The following ADCY2 variants were observed in gnomAD, a reference collection of about 807,000 sequenced individuals.
The protein encoded by ADCY2 is adenylate cyclase 2, also known as adenylate cyclase type 2.
ADCY2 carries 31 observed loss-of-function variants against 125.2 expected under a neutral mutation model. The observed-to-expected ratio is 0.25, with a 90% confidence interval of 0.19 to 0.33. The LOEUF is 0.33. Ranked by LOEUF, ADCY2 falls within the 10% of genes least tolerant of loss-of-function variation. The probability of loss-of-function intolerance (pLI) is 1.00; values close to 1 mark genes in which losing one functional copy is unlikely to be tolerated. For synonymous variants in ADCY2, 512 were observed against 548.4 expected, an observed-to-expected ratio of 0.93 and a Z score of 0.93; for missense variants, 904 against 1,418.2, an observed-to-expected ratio of 0.64 and a Z score of 5.82.
At chr5:7,697,167 C>A (rs1340530094) in intron 6 of ADCY2, among the ~76,000 whole-genome samples, 1 of 152,000 alleles carries the variant, frequency 6.6e-6, no homozygotes, top group African/African-American at 2.4e-5. Flanking sequence ...ATTAAATCTG[C>A]AGGAGCGCTA....
chr5:7,810,488 G>A (rs549987216), intron 22 of ADCY2, among the ~76,000 whole-genome samples: 3 of 152,078 alleles, frequency 2.0e-5, no homozygotes, highest in African/African-American at 4.8e-5. Context: ...TTATCTACCT[G>A]TTTGGTGGGT....
At chr5:7,647,977 A>G (rs1049354502) in intron 4 of ADCY2, among the ~76,000 whole-genome samples, 1 of 152,212 alleles carries the variant, frequency 6.6e-6, no homozygotes, top group African/African-American at 2.4e-5. Flanking sequence ...CGCAATGCCA[A>G]GAGGGATTTA....
Position 7,492,367 on chromosome 5 carries a change from G to A in ADCY2, c.409-28371G>A, listed in dbSNP as rs548184837. On this transcript the variant is annotated intron_variant, in intron 2 of 24. Coordinates refer to ENST00000338316, the MANE Select transcript of ADCY2 (RefSeq NM_020546.3). ...TGATTAATCATCCAATCTTTTGGGG[G>A]CATTGGAGGAATGTGATCATATCCA... 1.8e-4 allele frequency among the ~76,000 whole-genome samples: 27 copies of A among 152,316 alleles called. 1 individual carries two copies. The South Asian group carries it at 5.2e-3, about 29-fold the overall frequency.
intron 2 of ADCY2, among the ~76,000 whole-genome samples, chr5:7,467,065 C>T (rs1742148055): frequency 6.6e-6 from 1 of 152,106 alleles, no homozygotes; most frequent in Non-Finnish European, 1.5e-5. Context: ...GGGATGTAAC[C>T]CCATTGTAAG....
chr5:7,827,053 GC>G lies in ADCY2; in HGVS notation c.*184del. 1 of 714,026 alleles carries G rather than the reference GC, an allele frequency of 1.4e-6. No individual in the cohort carries two copies. Among genetic ancestry groups the G allele is most frequent in the Non-Finnish European group, 2.2e-6 (1 of 449,722 alleles). 44.2% of individuals were successfully genotyped at this position (714,026 alleles called of 1,614,324 possible). On this transcript the variant is annotated 3_prime_UTR_variant, in exon 25 of 25. Coordinates refer to ENST00000338316, the MANE Select transcript of ADCY2 (RefSeq NM_020546.3). Reference sequence around the variant, plus strand: ...GTCTGATGTGTGCCCAGATCGTTCTGCCACTTGCACTGTGCTTGCTCCTAAG... The same window carrying G: ...GTCTGATGTGTGCCCAGATCGTTCTGCACTTGCACTGTGCTTGCTCCTAAG...
At chr5:7,678,493 G>C (rs1178058268) in intron 4 of ADCY2, among the ~76,000 whole-genome samples, 1 of 152,110 alleles carries the variant, frequency 6.6e-6, no homozygotes, top group Non-Finnish European at 1.5e-5. Context: ...TATCAATAAT[G>C]CATATTGTGA....
chr5:7,735,872 A>T (rs184168260), intron 14 of ADCY2, among the ~76,000 whole-genome samples: 3 of 152,290 alleles, frequency 2.0e-5, no homozygotes, highest in African/African-American at 4.8e-5. Context: ...ATTTTATGGA[A>T]TAGTTTGTAA....
At chr5:7,804,752 C>G (rs1432463208) in intron 22 of ADCY2, 60 bp downstream of exon 22, 16 of 1,297,092 alleles carry the variant, frequency 1.2e-5, no homozygotes, top group Admixed American at 1.7e-5. Context: ...ACAAACCACC[C>G]TGGGACCAAA....
chr5:7,474,809 A>G (rs2126462133), intron 2 of ADCY2, among the ~76,000 whole-genome samples: 1 of 152,372 alleles, frequency 6.6e-6, no homozygotes, highest in African/African-American at 2.4e-5. Context: ...ATGGAAATAG[A>G]TAACACCTCT....
intron 3 of ADCY2, among the ~76,000 whole-genome samples, chr5:7,566,866 TG>T (rs1452264136): frequency 6.6e-6 from 1 of 152,150 alleles, no homozygotes; most frequent in Admixed American, 6.5e-5. Flanking sequence ...TGTTTTGGCC[TG>T]GGGGGGAGGT....
chr5:7,506,926 T>A (rs2126512726), intron 2 of ADCY2, among the ~76,000 whole-genome samples: 1 of 147,882 alleles, frequency 6.8e-6, no homozygotes, highest in South Asian at 2.2e-4. Flanking sequence ...TAGCTGGGAC[T>A]ACGGGCACCC....
intron 2 of ADCY2, among the ~76,000 whole-genome samples, chr5:7,436,985 G>C (rs1401998679): frequency 6.6e-6 from 1 of 152,136 alleles, no homozygotes; most frequent in Non-Finnish European, 1.5e-5. Context: ...CCCTCCAGTG[G>C]TATTTAAGGA....
intron 24 of ADCY2, among the ~76,000 whole-genome samples, chr5:7,823,356 C>G (rs1745362487): frequency 6.6e-6 from 1 of 152,184 alleles, no homozygotes; most frequent in Non-Finnish European, 1.5e-5. Context: ...AGCTGCCTCC[C>G]CTCTCATGCT....
rs771193755 is a variant in ADCY2 at position 7,827,001 on chromosome 5, T to C, written c.*130T>C. ...CTATGGAGCCTCTGCAGACTCGTTCTCGTGACCCAGTGGCATACCGTTTGG... is the reference window on the plus strand; with the variant it reads ...CTATGGAGCCTCTGCAGACTCGTTCCCGTGACCCAGTGGCATACCGTTTGG... On this transcript the variant is annotated 3_prime_UTR_variant, in exon 25 of 25. Transcript: ENST00000338316. 44 of 1,150,300 alleles carry C rather than the reference T, an allele frequency of 3.8e-5. No individual in the cohort carries two copies. The highest frequency in any genetic ancestry group is 4.5e-5 in the Non-Finnish European group (37 of 825,796). 71.3% of individuals were successfully genotyped at this position (1,150,300 alleles called of 1,614,324 possible).
At chr5:7,471,516 C>A (rs1386004915) in intron 2 of ADCY2, among the ~76,000 whole-genome samples, 1 of 151,912 alleles carries the variant, frequency 6.6e-6, no homozygotes, top group Non-Finnish European at 1.5e-5. Context: ...TTTGTCCCTC[C>A]CATTTTTGTG....
chr5:7,440,719 C>T (rs1230796476), intron 2 of ADCY2, among the ~76,000 whole-genome samples: 2 of 151,816 alleles, frequency 1.3e-5, no homozygotes, highest in East Asian at 3.9e-4. Context: ...AGGAAAAACC[C>T]TAGGAAGCAG....
intron 22 of ADCY2, 68 bp from the exon 23 acceptor site, chr5:7,816,798 G>A (rs1745126145): frequency 7.6e-7 from 1 of 1,317,902 alleles, no homozygotes; most frequent in East Asian, 2.3e-5. Context: ...CTCAGGTTTG[G>A]GACAAAGGGG....
At chr5:7,621,367 G>T (rs1737948126) in intron 3 of ADCY2, among the ~76,000 whole-genome samples, 2 of 152,118 alleles carry the variant, frequency 1.3e-5, no homozygotes, top group Admixed American at 6.5e-5. Context: ...GCTTTATAAA[G>T]AAAAAAATTA....
chr5:7,654,113 C>T, intron 4 of ADCY2: 1 of 456,158 alleles, frequency 2.2e-6, no homozygotes, highest in Non-Finnish European at 4.4e-6. Flanking sequence ...CACGGGACTC[C>T]TGACATTCAG....
Sources: gnomAD v4.1 joint callset for allele counts (sites outside exome capture counted in the v4.1 genomes callset) on GRCh38, gnomAD v4.1.1 for gene constraint, MANE v1.5 for transcripts, NCBI Gene and HGNC (gene_info 2026-07-23, HGNC 2026-07-21) for gene names.